Variants in KAZN observed in about 807,000 individuals in gnomAD.
KAZN encodes the protein kazrin.
In KAZN, 40 loss-of-function variants were observed where a neutral mutation model predicts 87.4. The ratio of observed to expected loss-of-function variants is 0.46; its 90% CI spans 0.36 to 0.60. The LOEUF (loss-of-function observed/expected upper bound fraction) is 0.60. KAZN is among the 20% of genes least tolerant of loss of function. KAZN has a pLI of 0.00. For missense variants in KAZN, 898 were observed against 1,073.9 expected, an observed-to-expected ratio of 0.84 and a Z score of 2.29; for synonymous variants, 466 against 458.3, an observed-to-expected ratio of 1.02 and a Z score of -0.22.
intron 2 of KAZN, among the ~76,000 whole-genome samples, chr1:14,576,846 G>A (rs1305891059): frequency 6.6e-6 from 1 of 152,192 alleles, no homozygotes; most frequent in African/African-American, 2.4e-5. Flanking sequence ...AAACCAAGGT[G>A]TCCAATGGGA....
rs1017639999 is a variant in KAZN, at chr1:15,116,056, G to A, written c.*1421G>A. On this transcript the variant is annotated 3_prime_UTR_variant, in exon 15 of 15. Coordinates refer to ENST00000376030, the MANE Select transcript of KAZN (RefSeq NM_201628.3). ...TGAGCACAGCCTTGAAAACCAGTTT[G>A]ACTCAAGCCTTCGGGCCTCAGTTCA... 6 of 152,210 alleles carry A rather than the reference G, an allele frequency of 3.9e-5. No individual in the cohort carries two copies. Among genetic ancestry groups the A allele is most frequent in the Admixed American group, 6.5e-5 (1 of 15,278 alleles). 9.4% of individuals were successfully genotyped at this position (152,210 alleles called of 1,614,324 possible). A position where few individuals can be genotyped will look rare whatever the true frequency, so the allele number is the denominator to read the frequency against.
intron 2 of KAZN, among the ~76,000 whole-genome samples, chr1:14,580,294 G>A (rs937997392): frequency 1.3e-5 from 2 of 152,068 alleles, no homozygotes; most frequent in African/African-American, 4.8e-5. Context: ...TGACCAACAC[G>A]GGGAAACCCC....
At chr1:14,179,297 G>A (rs1047050878) in intron 1 of KAZN, among the ~76,000 whole-genome samples, 2 of 152,166 alleles carry the variant, frequency 1.3e-5, no homozygotes, top group Non-Finnish European at 2.9e-5. Context: ...GCTCTCTCTG[G>A]ATTTCTCTTT....
rs911132110 is a variant in KAZN at position 14,365,864 on chromosome 1, G to A, written c.249+185272G>A. Among the ~76,000 whole-genome samples, 3 of 152,334 alleles carry A rather than the reference G, an allele frequency of 2.0e-5. No homozygotes were observed. The South Asian group carries it at 6.2e-4, about 32-fold the overall frequency. The stretch of plus-strand genomic sequence containing the variant: ...GCTAATACAGCAGTTAGGTCATAAA[G>A]TGTAGATAGATATTCCTCTTATGGC... On this transcript the variant is annotated intron_variant, in intron 2 of 16. Coordinates refer to the KAZN transcript ENST00000636203.
chr1:14,168,426 C>T (rs137962617), intron 1 of KAZN, among the ~76,000 whole-genome samples: 1 of 151,274 alleles, frequency 6.6e-6, no homozygotes, highest in Admixed American at 6.6e-5. Flanking sequence ...AATGTGAAAG[C>T]GTTTATTATC....
intron 2 of KAZN, among the ~76,000 whole-genome samples, chr1:14,361,775 C>A (rs1227098449): frequency 1.3e-5 from 2 of 152,242 alleles, no homozygotes; most frequent in Non-Finnish European, 2.9e-5. Context: ...ATGCAGAAAT[C>A]ACCCACCTTC....
chr1:14,164,477 TG>T (rs1645777222), intron 1 of KAZN, among the ~76,000 whole-genome samples: 2 of 151,402 alleles, frequency 1.3e-5, no homozygotes, highest in East Asian at 3.9e-4. Context: ...TGTGTGTGTG[TG>T]TGTTTGTAAA....
intron 2 of KAZN, among the ~76,000 whole-genome samples, chr1:14,993,500 C>T (rs558720839): frequency 2.6e-5 from 4 of 152,006 alleles, no homozygotes; most frequent in Non-Finnish European, 5.9e-5. Flanking sequence ...TCATCATCAT[C>T]AGTTCAGGTG....
At chr1:14,417,493 TCCA>T (rs1664894429) in intron 2 of KAZN, among the ~76,000 whole-genome samples, 1 of 152,176 alleles carries the variant, frequency 6.6e-6, no homozygotes, top group Non-Finnish European at 1.5e-5. Flanking sequence ...AATGTATTTG[TCCA>T]GTGCCATGGA....
intron 2 of KAZN, among the ~76,000 whole-genome samples, chr1:14,344,107 A>G (rs1341711878): frequency 6.6e-6 from 1 of 150,826 alleles, no homozygotes; most frequent in Non-Finnish European, 1.5e-5. Context: ...TGTCCTGCCT[A>G]TTATGGGCAT....
intron 1 of KAZN, among the ~76,000 whole-genome samples, chr1:14,816,608 AATAG>A (rs1292266294): frequency 3.3e-5 from 5 of 152,202 alleles, no homozygotes; most frequent in Admixed American, 6.5e-5. Flanking sequence ...TAGAAAGGTA[AATAG>A]ATAGACAGAC....
intron 1 of KAZN, among the ~76,000 whole-genome samples, chr1:13,957,773 G>T (rs1055138086): frequency 6.6e-6 from 1 of 152,086 alleles, no homozygotes; most frequent in Non-Finnish European, 1.5e-5. Flanking sequence ...GGGGGATGGC[G>T]TTAATCTATT....
At chr1:14,704,607 A>G (rs1480379062) in intron 1 of KAZN, among the ~76,000 whole-genome samples, 1 of 152,194 alleles carries the variant, frequency 6.6e-6, no homozygotes, top group African/African-American at 2.4e-5. Flanking sequence ...TCTCTAGGAC[A>G]GGCCGTGTGG....
chr1:15,110,336 GTA>G (rs1326496942), intron 13 of KAZN, among the ~76,000 whole-genome samples: 1 of 150,212 alleles, frequency 6.7e-6, no homozygotes, highest in Non-Finnish European at 1.5e-5. Context: ...TGGGCATATT[GTA>G]TATGTGTGTA....
chr1:14,157,471 A>G (rs1394268748), intron 1 of KAZN, among the ~76,000 whole-genome samples: 1 of 152,108 alleles, frequency 6.6e-6, no homozygotes, highest in Non-Finnish European at 1.5e-5. Flanking sequence ...TTTCTCTTTC[A>G]TGTTTGAAGG....
chr1:14,954,598 C>T (rs755014140), intron 1 of KAZN, among the ~76,000 whole-genome samples: 4 of 152,234 alleles, frequency 2.6e-5, no homozygotes, highest in African/African-American at 4.8e-5. Flanking sequence ...CTCCTAGCCA[C>T]GTGGGTGCAC....
intron 2 of KAZN, among the ~76,000 whole-genome samples, chr1:14,548,946 GTT>G (rs1673337661): frequency 6.6e-6 from 1 of 152,082 alleles, no homozygotes; most frequent in Admixed American, 6.5e-5. Flanking sequence ...CTAATTTTAT[GTT>G]TTGGAATAAT....
chr1:14,514,417 T>TTATATATATATATTATATATATAA (rs1671139185), intron 2 of KAZN, among the ~76,000 whole-genome samples: 1 of 10,698 alleles, frequency 9.3e-5, no homozygotes, highest in African/African-American at 2.7e-4. Context: ...AATATATAAA[T>TTATATATATATATTATATATATAA]ATATATATAA....
At chr1:14,895,743 T>A (rs1021534923) in intron 1 of KAZN, among the ~76,000 whole-genome samples, 1 of 152,220 alleles carries the variant, frequency 6.6e-6, no homozygotes, top group African/African-American at 2.4e-5. Context: ...CCGTGATCCC[T>A]GGCAGCAGAA....
Sources: gnomAD v4.1 joint callset for allele counts (sites outside exome capture counted in the v4.1 genomes callset) on GRCh38, gnomAD v4.1.1 for gene constraint, MANE v1.5 for transcripts, NCBI Gene and HGNC (gene_info 2026-07-23, HGNC 2026-07-21) for gene names.